The following MSRA variants were observed in gnomAD, a reference collection of about 807,000 sequenced individuals.
The protein encoded by MSRA is methionine sulfoxide reductase A, also known as mitochondrial peptide methionine sulfoxide reductase.
In MSRA, 54 loss-of-function variants were observed where a neutral mutation model predicts 31.3. That is an observed-to-expected ratio of 1.73 (90% CI 1.39 to 2.17). The LOEUF is 2.17. Among genes scored for constraint, MSRA ranks in the 30% most tolerant of loss-of-function variants. The pLI is 0.00. For synonymous variants in MSRA, 169 were observed against 116.5 expected (o/e 1.45, Z -2.90); for missense variants, 507 against 300.9 (o/e 1.69, Z -5.07).
chr8:10,102,112 G>C (rs1389332393), intron 1 of MSRA, among the ~76,000 whole-genome samples: 1 of 152,008 alleles, frequency 6.6e-6, no homozygotes, highest in Non-Finnish European at 1.5e-5. Flanking sequence ...GCCTTTTTGT[G>C]GATTTCTTTG....
chr8:10,376,114 G>A lies in MSRA; in HGVS notation c.544-52034G>A, dbSNP rs375573013. On this transcript the variant is annotated intron_variant, in intron 5 of 5. Transcript: ENST00000317173. Reference sequence around the variant, plus strand: ...TAGCAAATTCCCTTTCTGGGTGGCCGACTCACATTTCTGACAATCTGAGCT... The same window carrying A: ...TAGCAAATTCCCTTTCTGGGTGGCCAACTCACATTTCTGACAATCTGAGCT... 1.2e-4 allele frequency among the ~76,000 whole-genome samples: 18 copies of A among 152,222 alleles called. No homozygotes were observed. In the South Asian group the frequency reaches 3.7e-3, roughly 32 times the overall value.
chr8:10,256,045 A>G (rs1232782013), intron 3 of MSRA, among the ~76,000 whole-genome samples: 3 of 152,118 alleles, frequency 2.0e-5, no homozygotes. Context: ...TCTGACATGT[A>G]TAATGAGTGA....
In MSRA at chr8:10,068,131, G is replaced by A. The variant is rs545940496; in HGVS notation, c.142+13473G>A. ...ACTTTTGACCTCAAGCAGACTGCCC[G>A]CCTTGGTCTCTCAAAGTGCTGAGAT... On this transcript the variant is annotated intron_variant, in intron 1 of 5. Coordinates refer to ENST00000317173, the MANE Select transcript of MSRA (RefSeq NM_012331.5). Among the ~76,000 whole-genome samples the A allele has an allele frequency of 1.2e-4, 19 of 152,148 alleles. No individual in the cohort carries two copies. In the South Asian group the frequency reaches 1.5e-3, roughly 12 times the overall value.
intron 1 of MSRA, among the ~76,000 whole-genome samples, chr8:10,143,577 A>T (rs1277461483): frequency 1.3e-5 from 2 of 152,072 alleles, no homozygotes; most frequent in African/African-American, 4.8e-5. Context: ...CAGACATAAA[A>T]CCCCGGGTCG....
chr8:10,091,046 T>C (rs1245584395), intron 1 of MSRA, among the ~76,000 whole-genome samples: 1 of 152,256 alleles, frequency 6.6e-6, no homozygotes, highest in Non-Finnish European at 1.5e-5. Flanking sequence ...TCGTGTGGGT[T>C]CTGAACATGG....
rs1167391392 is a variant in MSRA at position 10,326,548 on chromosome 8, T to G, written c.543+6559T>G. The G allele has an allele frequency of 2.0e-5, 3 of 152,200 alleles. 1 individual carries two copies. The highest frequency in any genetic ancestry group is 4.1e-4 in the South Asian group (2 of 4,836). 9.4% of individuals were successfully genotyped at this position (152,200 alleles called of 1,614,324 possible). ...AACTTCACGCTGGGTTTGCTGACCT[T>G]GAACATGCTGGATTCTGCTTACAGA... On this transcript the variant is annotated intron_variant, in intron 5 of 5. Coordinates refer to ENST00000317173, the MANE Select transcript of MSRA (RefSeq NM_012331.5).
intron 1 of MSRA, among the ~76,000 whole-genome samples, chr8:10,151,759 G>C (rs988777108): frequency 6.6e-6 from 1 of 152,188 alleles, no homozygotes; most frequent in African/African-American, 2.4e-5. Flanking sequence ...GAAGGAAAGC[G>C]ATGGTGAGAT....
At position 10,232,195 on chromosome 8, in the gene MSRA, T is replaced by G. The variant is rs986992762; in HGVS notation, c.212-12909T>G. Among the ~76,000 whole-genome samples, 3 of 152,064 alleles carry G rather than the reference T, an allele frequency of 2.0e-5. No individual in the cohort carries two copies. In the South Asian group the frequency reaches 6.2e-4, roughly 32 times the overall value. ...GGAAAGAGCTGGAAGAGAGGGAGCATTTGGATAAGACACTGAAGGAACATG... is the reference window on the plus strand; with the variant it reads ...GGAAAGAGCTGGAAGAGAGGGAGCAGTTGGATAAGACACTGAAGGAACATG... On this transcript the variant is annotated intron_variant, in intron 2 of 5. Transcript: ENST00000317173.
intron 5 of MSRA, among the ~76,000 whole-genome samples, chr8:10,420,851 T>C (rs2129194962): frequency 6.6e-6 from 1 of 151,118 alleles, no homozygotes; most frequent in Non-Finnish European, 1.5e-5. Flanking sequence ...TAAAAATGGC[T>C]AAGATAGTAC....
chr8:10,077,565 C>T (rs993808372), intron 1 of MSRA, among the ~76,000 whole-genome samples: 1 of 147,974 alleles, frequency 6.8e-6, no homozygotes, highest in African/African-American at 2.5e-5. Context: ...TCAAGTGACC[C>T]TCCCTCCTGA....
chr8:10,065,016 C>T (rs564176912), intron 1 of MSRA, among the ~76,000 whole-genome samples: 35 of 152,226 alleles, frequency 2.3e-4, no homozygotes, highest in Middle Eastern at 3.4e-3. Flanking sequence ...CACAGAGCCC[C>T]CGAGAAGGCA....
chr8:10,064,485 A>G (rs1797360214), intron 1 of MSRA, among the ~76,000 whole-genome samples: 1 of 152,176 alleles, frequency 6.6e-6, no homozygotes, highest in Admixed American at 6.5e-5. Flanking sequence ...GAACAAGTAT[A>G]TTAAATTGGC....
chr8:10,410,469 C>T (rs1270908332), intron 5 of MSRA, among the ~76,000 whole-genome samples: 1 of 152,218 alleles, frequency 6.6e-6, no homozygotes, highest in Admixed American at 6.5e-5. Context: ...ATAACCAACA[C>T]AGTTTAGAGC....
chr8:10,146,399 G>A (rs1008666112), intron 1 of MSRA, among the ~76,000 whole-genome samples: 5 of 152,156 alleles, frequency 3.3e-5, no homozygotes, highest in Admixed American at 6.5e-5. Flanking sequence ...GTGAGGTCTC[G>A]TCTGGCCAGA....
At chr8:10,132,146 C>A (rs375863865) in intron 1 of MSRA, among the ~76,000 whole-genome samples, 1 of 152,100 alleles carries the variant, frequency 6.6e-6, no homozygotes, top group Non-Finnish European at 1.5e-5. Context: ...TTATCTGAAC[C>A]GTGCTTTTCA....
intron 2 of MSRA, among the ~76,000 whole-genome samples, chr8:10,213,294 G>C (rs529808418): frequency 3.2e-4 from 49 of 152,138 alleles, no homozygotes; most frequent in African/African-American, 1.1e-3. Flanking sequence ...GAGAACATGT[G>C]ATGTTTGTCT....
In MSRA at chr8:10,156,014, T is replaced by C. The variant is rs182663471; in HGVS notation, c.143-51819T>C. On this transcript the variant is annotated intron_variant, in intron 1 of 5. Coordinates refer to ENST00000317173, the MANE Select transcript of MSRA (RefSeq NM_012331.5). ...CCGTGACCTTAATGAAGTGGTCAGG[T>C]TTGGCGTCACTAATGGTGGGAGTCC... Among the ~76,000 whole-genome samples the C allele has an allele frequency of 9.9e-5, 15 of 152,244 alleles. No homozygotes were observed. The East Asian group carries it at 1.7e-3, about 18-fold the overall frequency.
chr8:10,242,420 G>T (rs1262955312), intron 2 of MSRA, among the ~76,000 whole-genome samples: 1 of 152,156 alleles, frequency 6.6e-6, no homozygotes, highest in South Asian at 2.1e-4. Flanking sequence ...TGGGCTATAA[G>T]GTTTCTGTTG....
chr8:10,374,226 A>T (rs1205953110), intron 5 of MSRA, among the ~76,000 whole-genome samples: 1 of 152,198 alleles, frequency 6.6e-6, no homozygotes, highest in Non-Finnish European at 1.5e-5. Flanking sequence ...TACAGAAGTA[A>T]ACTTACAGAA....
Sources: gnomAD v4.1 joint callset for allele counts (sites outside exome capture counted in the v4.1 genomes callset) on GRCh38, gnomAD v4.1.1 for gene constraint, MANE v1.5 for transcripts, NCBI Gene and HGNC (gene_info 2026-07-23, HGNC 2026-07-21) for gene names.